Variants in OSBPL7 observed in about 807,000 individuals in gnomAD.
The protein encoded by OSBPL7 is oxysterol binding protein like 7, also known as oxysterol-binding protein-related protein 7.
OSBPL7 carries 66 observed loss-of-function variants against 115.8 expected under a neutral mutation model. The observed-to-expected ratio is 0.57, with a 90% CI of 0.47 to 0.70. The LOEUF is 0.70. OSBPL7 is among the 30% of genes least tolerant of loss of function. The pLI, the probability that OSBPL7 is intolerant of heterozygous loss-of-function variation, is 0.00. For missense variants in OSBPL7, 902 were observed against 1,125.5 expected, an observed-to-expected ratio of 0.80 and a Z score of 2.84; for synonymous variants, 441 against 439.2, an observed-to-expected ratio of 1.00 and a Z score of -0.05.
At chr17:47,819,649 G>A (rs1002912047) in intron 4 of OSBPL7, 80 bp downstream of exon 4, 48 of 1,543,522 alleles carry the variant, frequency 3.1e-5, no homozygotes, top group Middle Eastern at 1.7e-4. Context: ...TGCTCTGGTC[G>A]ATTCCAGATA....
chr17:47,808,708 C>T lies in OSBPL7; in HGVS notation c.2298-48G>A. ...GGGGAACTGCCCATCTGCAGGGGCC[C>T]CCAAACCCAAGGCCTCTGTCTCTGC... On this transcript the variant is annotated intron_variant, in intron 21 of 22. Transcript: ENST00000007414. The surrounding 1 kb of genome is among the most constrained non-coding windows in gnomAD (Gnocchi z 6.1). 6.2e-7 allele frequency: 1 copy of T among 1,611,178 alleles called. No individual in the cohort carries two copies. Among genetic ancestry groups the T allele is most frequent in the Admixed American group, 1.7e-5 (1 of 59,620 alleles).
chr17:47,819,215 T>A, intron 4 of OSBPL7, 116 bp from the exon 5 acceptor site: 1 of 775,996 alleles, frequency 1.3e-6, no homozygotes, highest in Non-Finnish European at 2.2e-6. Flanking sequence ...AGGTTCACCC[T>A]CATGTCCAAG....
At position 47,813,589 on chromosome 17, in the gene OSBPL7, T is replaced by C. The variant is rs749662921; in HGVS notation, c.1597A>G (p.Met533Val). Residue 533 changes from methionine to valine, a missense_variant and splice_region_variant, in exon 15 of 23, where the codon ATG becomes GTG. Around this residue, in one of 3 missense-constraint regions of OSBPL7, gnomAD observed 667 missense variants for 788.7 expected, o/e 0.85. Transcript: ENST00000007414. ...ASRIADPCER[M>V]VYIAAFAVSA... Reference sequence around the variant, plus strand: ...GCGTGAGGACAGGAAGCAGGTACCATGCGCTCGCAGGGGTCGGCGATGCGG... The same window carrying C: ...GCGTGAGGACAGGAAGCAGGTACCACGCGCTCGCAGGGGTCGGCGATGCGG... 1.9e-6 allele frequency: 3 copies of C among 1,609,342 alleles called. No homozygotes were observed. Among genetic ancestry groups the C allele is most frequent in the Middle Eastern group, 1.7e-4 (1 of 6,044 alleles).
chr17:47,809,552 C>T, intron 18 of OSBPL7, 74 bp from the exon 19 acceptor site: 1 of 1,545,664 alleles, frequency 6.5e-7, no homozygotes, highest in Non-Finnish European at 8.8e-7. Context: ...TCCTGTCTTG[C>T]TGAAGCAGGT....
chr17:47,817,188 G>A (rs1241039100), intron 8 of OSBPL7, 68 bp downstream of exon 8: 1 of 1,264,860 alleles, frequency 7.9e-7, no homozygotes, highest in African/African-American at 1.5e-5. Context: ...GGAGGAATAG[G>A]ACCCATCCTG....
intron 14 of OSBPL7, 87 bp from the exon 15 acceptor site, chr17:47,813,921 G>C: frequency 6.8e-7 from 1 of 1,466,136 alleles, no homozygotes; most frequent in Non-Finnish European, 9.0e-7. Context: ...GGGCCCAGCT[G>C]CCTCCCAAGC....
chr17:47,813,570 G>A lies in OSBPL7; in HGVS notation c.1599+17C>T. ...GGAAGCAGCCTTGGGCTGGGCGTGA[G>A]GACAGGAAGCAGGTACCATGCGCTC... On this transcript the variant is annotated intron_variant, in intron 15 of 22. Coordinates refer to ENST00000007414, the MANE Select transcript of OSBPL7 (RefSeq NM_145798.3). The A allele has an allele frequency of 6.2e-7, 1 of 1,603,764 alleles. No individual in the cohort carries two copies. Among genetic ancestry groups the A allele is most frequent in the Non-Finnish European group, 8.5e-7 (1 of 1,173,816 alleles).
Position 47,809,332 on chromosome 17 carries a change from A to G in OSBPL7, c.2025+2T>C, listed in dbSNP as rs2032962108. The G allele has an allele frequency of 1.2e-6, 2 of 1,613,736 alleles. No individual in the cohort carries two copies. Among genetic ancestry groups the G allele is most frequent in the Admixed American group, 1.7e-5 (1 of 60,002 alleles). ...TGGGCAGGGTCAGGGTGGCACACAC[A>G]CCTTGCAGAAGGTGATCTTGCAGTG... On this transcript the variant is annotated splice_donor_variant, in intron 19 of 22. Transcript: ENST00000007414. LOFTEE classifies it high-confidence loss of function.
Position 47,816,473 on chromosome 17 carries a change from G to T in OSBPL7, c.938C>A (p.Ser313Tyr). ...GAGGGCGGCCAGGACGCTGCTGAGG[G>T]AGCTGTGCACTACAGGGAGTGGGGC... ...FWALAQKVHSSLSSVLAALTM... is the reference protein window; with the variant it reads ...FWALAQKVHSYLSSVLAALTM... The change falls in exon 11 of 23, where the codon TCC (serine) becomes TAC (tyrosine). Residue 313 changes from serine to tyrosine, a missense_variant. Physicochemically the swap from Ser to Tyr is moderately radical, Grantham distance 144. Transcript: ENST00000007414. The surrounding 1 kb of genome is among the most constrained non-coding windows in gnomAD (Gnocchi z 5.8). The T allele has an allele frequency of 6.5e-7, 1 of 1,545,338 alleles. No homozygotes were observed.
Position 47,816,237 on chromosome 17 carries a change from G to C in OSBPL7, c.1024-35C>G. On this transcript the variant is annotated intron_variant, in intron 11 of 22. Transcript: ENST00000007414. The surrounding 1 kb of genome is among the most constrained non-coding windows in gnomAD (Gnocchi z 5.8). ...GAGGGTGAGGGACACGGTGCCAGGA[G>C]GATGAGGTCCTCCCCACCTTGCCGC... 6.5e-7 allele frequency: 1 copy of C among 1,535,670 alleles called. No individual in the cohort carries two copies. The highest frequency in any genetic ancestry group is 8.8e-7 in the Non-Finnish European group (1 of 1,135,716).
In OSBPL7 at chr17:47,819,738, G is replaced by C; in HGVS notation, c.246C>G (p.Thr82=). The change falls in exon 4 of 23, where the codon ACC becomes ACG. Residue 82 remains threonine (T), a synonymous_variant. Transcript: ENST00000007414. Reference sequence around the variant, plus strand: ...CACTGCCCGGGCTCACGTCTTGCCGGGTTGTTGCATAATGAAGGATCCCGT... The same window carrying C: ...CACTGCCCGGGCTCACGTCTTGCCGCGTTGTTGCATAATGAAGGATCCCGT... ...LEDGILHYAT[T]RQDITKGKLH... 2 of 1,614,086 alleles carry C rather than the reference G, an allele frequency of 1.2e-6. No homozygotes were observed. Among genetic ancestry groups the C allele is most frequent in the Non-Finnish European group, 1.7e-6 (2 of 1,180,000 alleles).
chr17:47,815,546 G>A (rs1487990890), intron 12 of OSBPL7, 194 bp from the exon 13 acceptor site: 2 of 641,076 alleles, frequency 3.1e-6, no homozygotes, highest in African/African-American at 1.8e-5. Flanking sequence ...GCCCTGGCCT[G>A]GGAGTGAGGG....
At chr17:47,820,508 T>A in intron 1 of OSBPL7, 143 bp from the exon 2 acceptor site, 1 of 540,810 alleles carries the variant, frequency 1.8e-6, no homozygotes, top group Non-Finnish European at 3.3e-6. Flanking sequence ...TGCCCCTCTG[T>A]CCCGACCCCA....
rs752635007 is a variant in OSBPL7, at chr17:47,817,377, A to G, written c.599-18T>C. On this transcript the variant is annotated intron_variant, in intron 7 of 22. Transcript: ENST00000007414. ...AGAGAGCTCTGCGGGGAAAAAGAACAAGAACAAGAACACCATTCATTTTTT... is the reference window on the plus strand; with the variant it reads ...AGAGAGCTCTGCGGGGAAAAAGAACGAGAACAAGAACACCATTCATTTTTT... 1.4e-5 allele frequency: 22 copies of G among 1,547,892 alleles called. No individual in the cohort carries two copies. The African/African-American group carries it at 3.0e-4, about 21-fold the overall frequency.
intron 5 of OSBPL7, 91 bp from the exon 6 acceptor site, chr17:47,818,707 AG>A: frequency 1.8e-6 from 2 of 1,134,478 alleles, no homozygotes; most frequent in South Asian, 2.9e-5. Context: ...CCAGACAAGC[AG>A]GGTCTCTTCT....
At position 47,816,638 on chromosome 17, in the gene OSBPL7, A is replaced by G; in HGVS notation, c.853T>C (p.Ser285Pro). 1 of 1,614,052 alleles carries G rather than the reference A, an allele frequency of 6.2e-7. No individual in the cohort carries two copies. The highest frequency in any genetic ancestry group is 8.5e-7 in the Non-Finnish European group (1 of 1,180,018). The change falls in exon 10 of 23, where the codon TCC becomes CCC. Residue 285 changes from serine (S) to proline (P), a missense_variant. This residue lies in a region of OSBPL7 where 667 missense variants were observed against 788.7 expected (regional missense o/e 0.85). Coordinates refer to ENST00000007414, the MANE Select transcript of OSBPL7 (RefSeq NM_145798.3). This position sits in a 1 kb window ranked among gnomAD's most constrained non-coding sequence, Gnocchi z 5.8. Reference sequence around the variant, plus strand: ...GGTGGCAGCCCACGGGTGCCCGAGGAGTCCCGAGACTCCAGGTAGCGAGAC... The same window carrying G: ...GGTGGCAGCCCACGGGTGCCCGAGGGGTCCCGAGACTCCAGGTAGCGAGAC... ...NLSRYLESRD[S>P]SGTRGLPPTD...
Position 47,819,957 on chromosome 17 carries a change from C to G in OSBPL7, c.201+14G>C. ...CCCCCATGTCTGGACCCTCCCTTTG[C>G]CTGCCCACCCTACCTTGTGCCAGCC... On this transcript the variant is annotated intron_variant, in intron 3 of 22. Coordinates refer to ENST00000007414, the MANE Select transcript of OSBPL7 (RefSeq NM_145798.3). 1.7e-6 allele frequency: 2 copies of G among 1,164,276 alleles called. No homozygotes were observed. Among genetic ancestry groups the G allele is most frequent in the Non-Finnish European group, 2.3e-6 (2 of 853,270 alleles). The allele number at this position is 1,164,276 out of a possible 1,614,324, so 72.1% of individuals were successfully genotyped here. A position where few individuals can be genotyped will look rare whatever the true frequency, so the allele number is the denominator to read the frequency against.
rs35437144 is a variant in OSBPL7, at chr17:47,818,519, G to A, written c.467C>T (p.Thr156Ile). 1.7e-3 allele frequency: 2,746 copies of A among 1,607,020 alleles called. 31 individuals are homozygous for A. In the African/African-American group the frequency reaches 0.033, roughly 19 times the overall value. ...LDMPRGSLPS[T>I]AHRKVPGAQL... ...GGTCCACCTTACCTTCCGGTGAGCA[G>A]TACTGGGCAGTGAGCCACGGGGCAT... is the stretch of plus-strand genomic sequence containing the variant. Residue 156 changes from threonine to isoleucine, a missense_variant, in exon 6 of 23, where the codon ACT becomes ATT. Thr to Ile is a moderately conservative substitution (Grantham distance 89). Around this residue, in one of 3 missense-constraint regions of OSBPL7, gnomAD observed 667 missense variants for 788.7 expected, o/e 0.85. Transcript: ENST00000007414.
chr17:47,816,437 C>G lies in OSBPL7; in HGVS notation c.974G>C (p.Arg325Pro). The change falls in exon 11 of 23, where the codon CGG becomes CCG. Residue 325 changes from arginine to proline, a missense_variant. Transcript: ENST00000007414. This position sits in a 1 kb window ranked among gnomAD's most constrained non-coding sequence, Gnocchi z 5.8. ...CTGGTGCATGTCCCTCAGTTGGTCCCGTTCCATGGTGAGGGCGGCCAGGAC... is the reference window on the plus strand; with the variant it reads ...CTGGTGCATGTCCCTCAGTTGGTCCGGTTCCATGGTGAGGGCGGCCAGGAC... ...SSVLAALTMERDQLRDMHQGS... is the reference protein window; with the variant it reads ...SSVLAALTMEPDQLRDMHQGS... 1 of 1,545,036 alleles carries G rather than the reference C, an allele frequency of 6.5e-7. No homozygotes were observed. Among genetic ancestry groups the G allele is most frequent in the Non-Finnish European group, 8.7e-7 (1 of 1,143,686 alleles).
Sources: allele counts gnomAD v4.1 joint callset, GRCh38; gene constraint gnomAD v4.1.1; regional missense constraint gnomAD v4.1.1; non-coding constraint Gnocchi (gnomAD v3.1); transcripts MANE v1.5; gene names NCBI Gene and HGNC (gene_info 2026-07-23, HGNC 2026-07-21).